Variants in SLC30A9 observed in about 807,000 individuals in gnomAD.
SLC30A9 encodes the protein proton-coupled zinc antiporter SLC30A9, mitochondrial.
A neutral mutation model predicts 87.5 loss-of-function variants in SLC30A9; 58 were observed. That is an observed-to-expected ratio of 0.66 (90% CI 0.54 to 0.82). The LOEUF is 0.82. Ranked by LOEUF, SLC30A9 falls within the 40% of genes least tolerant of loss-of-function variation. SLC30A9 has a pLI of 0.00. For missense variants in SLC30A9, 557 were observed against 679.1 expected (o/e 0.82, Z 2.00); for synonymous variants, 234 against 233.0 (o/e 1.00, Z -0.04).
At chr4:42,084,609 T>G (rs1718855457) in intron 17 of SLC30A9, among the ~76,000 whole-genome samples, 1 of 152,132 alleles carries the variant, frequency 6.6e-6, no homozygotes, top group African/African-American at 2.4e-5. Flanking sequence ...GTAGCTAGGA[T>G]TACAGGCATG....
intron 6 of SLC30A9, among the ~76,000 whole-genome samples, chr4:42,034,049 T>C (rs1315766326): frequency 3.9e-5 from 6 of 152,226 alleles, no homozygotes; most frequent in Non-Finnish European, 7.3e-5. Flanking sequence ...TGAGAAGCCT[T>C]GTAAATAAAA....
intron 8 of SLC30A9, among the ~76,000 whole-genome samples, chr4:42,045,977 A>G (rs1246038100): frequency 6.6e-6 from 1 of 152,254 alleles, no homozygotes; most frequent in Non-Finnish European, 1.5e-5. Context: ...AACCAATACA[A>G]AAACCAAATG....
In SLC30A9 at chr4:42,066,533, G is replaced by T; in HGVS notation, c.1073-17G>T. 1 of 1,569,830 alleles carries T rather than the reference G, an allele frequency of 6.4e-7. No homozygotes were observed. The highest frequency in any genetic ancestry group is 1.2e-5 in the South Asian group (1 of 86,608). On this transcript the variant is annotated splice_polypyrimidine_tract_variant and intron_variant, in intron 12 of 17. Transcript: ENST00000264451. ...CATGAAGTTTCTGTCTTGCTGATAT[G>T]AATGCTTTTCTTTTAGCAACACTTC...
chr4:42,090,305 T>A lies in SLC30A9; in HGVS notation c.*4179T>A, dbSNP rs1251636885. 1 of 152,206 alleles carries A rather than the reference T, an allele frequency of 6.6e-6. No individual in the cohort carries two copies. The highest frequency in any genetic ancestry group is 1.5e-5 in the Non-Finnish European group (1 of 68,042). The allele number at this position is 152,206 out of a possible 1,614,324, so 9.4% of individuals were successfully genotyped here. ...ACAGCCTTTATATTTGCATGTAAGT[T>A]TACTTGCATCCTTAGACTTGGCTTT... On this transcript the variant is annotated 3_prime_UTR_variant, in exon 18 of 18. Coordinates refer to ENST00000264451, the MANE Select transcript of SLC30A9 (RefSeq NM_006345.4).
intron 15 of SLC30A9, among the ~76,000 whole-genome samples, chr4:42,073,102 G>C (rs1718380957): frequency 6.6e-6 from 1 of 152,128 alleles, no homozygotes. Flanking sequence ...TCAAACTCCT[G>C]ACCTCAGGTG....
At chr4:42,020,889 G>T (rs573031791) in intron 4 of SLC30A9, 2 of 158,480 alleles carry the variant, frequency 1.3e-5, no homozygotes, top group Admixed American at 1.3e-4. Context: ...CAGCAGAGTT[G>T]AGTACTTAAT....
At chr4:42,022,674 A>G (rs1157424471) in intron 4 of SLC30A9, among the ~76,000 whole-genome samples, 164 bp from the exon 5 acceptor site, 1 of 152,118 alleles carries the variant, frequency 6.6e-6, no homozygotes, top group Non-Finnish European at 1.5e-5. Context: ...TATTTTTTGT[A>G]TACAAAATGT....
chr4:41,990,758 A>G lies in SLC30A9; in HGVS notation c.107A>G (p.Gln36Arg), dbSNP rs765338091. The G allele has an allele frequency of 6.8e-6, 11 of 1,607,742 alleles. No homozygotes were observed. In the East Asian group the frequency reaches 2.5e-4, roughly 36 times the overall value. The change falls in exon 1 of 18, where the codon CAG becomes CGG. Residue 36 changes from glutamine to arginine, a missense_variant and splice_region_variant. Around this residue, in one of 2 missense-constraint regions of SLC30A9, gnomAD observed 467 missense variants for 529.8 expected, o/e 0.88. Transcript: ENST00000264451. ...GCGGCCTGTAATCCCAGCGACCGCC[A>G]GGGTGAGTGTCCCGCGCTGGCCGCT... ...RAAACNPSDR[Q>R]EWQNLVTFGS...
chr4:42,035,387 A>T, intron 7 of SLC30A9, 54 bp downstream of exon 7: 2 of 1,572,156 alleles, frequency 1.3e-6, no homozygotes, highest in East Asian at 2.3e-5. Flanking sequence ...CAAAATTCTA[A>T]TATCAGTCCA....
At chr4:42,029,606 G>T (rs1716336718) in intron 6 of SLC30A9, 2 of 707,928 alleles carry the variant, frequency 2.8e-6, no homozygotes, top group Admixed American at 4.3e-5. Flanking sequence ...AATGTGCCCA[G>T]TGAACCCAAA....
At chr4:42,055,420 T>C (rs2153139167) in intron 9 of SLC30A9, among the ~76,000 whole-genome samples, 1 of 152,266 alleles carries the variant, frequency 6.6e-6, no homozygotes, top group South Asian at 2.1e-4. Context: ...AGAGTCTCGC[T>C]GTCTTGCCCA....
At chr4:42,054,681 G>A (rs1309823781) in intron 9 of SLC30A9, among the ~76,000 whole-genome samples, 6 of 151,576 alleles carry the variant, frequency 4.0e-5, no homozygotes, top group Non-Finnish European at 5.9e-5. Context: ...TAGTAGAGAC[G>A]GGGTTTCACC....
intron 2 of SLC30A9, among the ~76,000 whole-genome samples, chr4:42,011,257 T>C (rs1715429679): frequency 6.6e-6 from 1 of 152,090 alleles, no homozygotes; most frequent in Non-Finnish European, 1.5e-5. Context: ...GCAAGACACT[T>C]ATAAAACCAT....
Position 41,990,643 on chromosome 4 carries a change from C to A in SLC30A9, c.-9C>A, listed in dbSNP as rs11541146. ...GCGGTGTCCGAGTAGGGGCCTCTGC[C>A]CCACCAGGATGTTACCCGGCTTGGC... On this transcript the variant is annotated 5_prime_UTR_variant, in exon 1 of 18. Transcript: ENST00000264451. 1.9e-6 allele frequency: 3 copies of A among 1,581,488 alleles called. No homozygotes were observed. In the Admixed American group the frequency reaches 5.1e-5, roughly 27 times the overall value.
At chr4:42,043,661 G>C (rs936865023) in intron 8 of SLC30A9, among the ~76,000 whole-genome samples, 1 of 152,182 alleles carries the variant, frequency 6.6e-6, no homozygotes, top group African/African-American at 2.4e-5. Context: ...GATTATCCAG[G>C]AGAACTTCCC....
At chr4:42,002,360 C>T (rs1018962676) in intron 2 of SLC30A9, among the ~76,000 whole-genome samples, 9 of 151,658 alleles carry the variant, frequency 5.9e-5, no homozygotes, top group African/African-American at 1.9e-4. Flanking sequence ...ATGAGGTACA[C>T]GTGATCTCAT....
At chr4:42,061,194 G>A (rs951315456) in intron 10 of SLC30A9, among the ~76,000 whole-genome samples, 2 of 152,136 alleles carry the variant, frequency 1.3e-5, no homozygotes, top group Non-Finnish European at 2.9e-5. Context: ...TTTCTGCAAT[G>A]ATGGAAATAT....
intron 1 of SLC30A9, among the ~76,000 whole-genome samples, chr4:41,991,948 A>G (rs1212059546): frequency 1.3e-5 from 2 of 152,138 alleles, no homozygotes; most frequent in African/African-American, 4.8e-5. Flanking sequence ...TTTTAACAGC[A>G]CTATTCCCAG....
At chr4:42,077,113 C>G (rs938927653) in intron 16 of SLC30A9, among the ~76,000 whole-genome samples, 3 of 152,104 alleles carry the variant, frequency 2.0e-5, no homozygotes, top group Admixed American at 1.3e-4. Context: ...TTCAGCTTGC[C>G]TAGGTCTTAC....
Sources: gnomAD v4.1 joint callset for allele counts (sites outside exome capture counted in the v4.1 genomes callset) on GRCh38, gnomAD v4.1.1 for gene constraint, gnomAD v4.1.1 regional missense constraint, MANE v1.5 for transcripts, NCBI Gene and HGNC (gene_info 2026-07-23, HGNC 2026-07-21) for gene names.